The following HYCC1 variants were observed in gnomAD, a reference collection of about 807,000 sequenced individuals.
The protein encoded by HYCC1 is hyccin PI4KA lipid kinase complex subunit 1.
chr7:22,906,585 A>T, the HYCC1 span, among the ~76,000 whole-genome samples: 1 of 151,758 alleles, frequency 6.6e-6, no homozygotes, highest in Non-Finnish European at 1.5e-5. Flanking sequence ...CTCAAAAAAA[A>T]AAAAAGAATG....
At chr7:22,944,271 T>C in the HYCC1 span, 105,732 of 152,058 alleles carry the variant, frequency 0.7, 36,767 homozygotes, top group South Asian at 0.73. Flanking sequence ...CTTAAGTACA[T>C]TTGCTTTACA....
the HYCC1 span, among the ~76,000 whole-genome samples, chr7:22,975,812 G>C: frequency 6.6e-6 from 1 of 152,100 alleles, no homozygotes; most frequent in Non-Finnish European, 1.5e-5. Flanking sequence ...AACCTCCCGG[G>C]CTCAAGTGAT....
At chr7:22,910,765 A>G in the HYCC1 span, among the ~76,000 whole-genome samples, 55 of 152,296 alleles carry the variant, frequency 3.6e-4, no homozygotes, top group Admixed American at 3.2e-3. Flanking sequence ...ATATATCATT[A>G]CATTTTCCCG....
the HYCC1 span, among the ~76,000 whole-genome samples, chr7:22,987,249 G>A: frequency 6.6e-6 from 1 of 152,074 alleles, no homozygotes; most frequent in Admixed American, 6.6e-5. Context: ...CATTTAGTTG[G>A]TACATAAAGA....
chr7:22,910,503 C>T, the HYCC1 span, among the ~76,000 whole-genome samples: 2 of 152,158 alleles, frequency 1.3e-5, no homozygotes, highest in African/African-American at 4.8e-5. Flanking sequence ...CTCAGCAATG[C>T]AAAACAGACT....
the HYCC1 span, among the ~76,000 whole-genome samples, chr7:23,003,049 A>G: frequency 6.6e-6 from 1 of 152,034 alleles, no homozygotes; most frequent in African/African-American, 2.4e-5. Context: ...CCTCATTTTA[A>G]CTTAACTGCC....
At chr7:22,958,761 C>A in the HYCC1 span, among the ~76,000 whole-genome samples, 1 of 152,108 alleles carries the variant, frequency 6.6e-6, no homozygotes, top group African/African-American at 2.4e-5. Flanking sequence ...CACATATGCA[C>A]AAATACAAGG....
chr7:22,979,884 G>T, the HYCC1 span, among the ~76,000 whole-genome samples: 1 of 152,276 alleles, frequency 6.6e-6, no homozygotes, highest in Non-Finnish European at 1.5e-5. Context: ...AACAAGATTA[G>T]ATGAAATTAT....
chr7:22,904,591 C>CA, the HYCC1 span, among the ~76,000 whole-genome samples: 2 of 151,644 alleles, frequency 1.3e-5, no homozygotes, highest in Non-Finnish European at 2.9e-5. Flanking sequence ...TTATACAAGT[C>CA]ACCATCTGTG....
the HYCC1 span, among the ~76,000 whole-genome samples, chr7:22,975,159 A>G: frequency 3.3e-5 from 5 of 152,058 alleles, no homozygotes; most frequent in African/African-American, 1.2e-4. Context: ...GTTCTATAAT[A>G]TCTCTTATTT....
chr7:22,957,106 CAATGT>C, the HYCC1 span, among the ~76,000 whole-genome samples: 1 of 151,668 alleles, frequency 6.6e-6, no homozygotes. Context: ...AAAAACACTA[CAATGT>C]GAGATTGGGC....
chr7:22,911,967 T>TA, the HYCC1 span, among the ~76,000 whole-genome samples: 30 of 152,286 alleles, frequency 2.0e-4, no homozygotes, highest in East Asian at 5.0e-3. Flanking sequence ...GATTTTGCCA[T>TA]AAAAATATAT....
the HYCC1 span, among the ~76,000 whole-genome samples, chr7:22,896,448 T>C: frequency 1.1e-4 from 17 of 152,334 alleles, no homozygotes; most frequent in East Asian, 3.3e-3. Flanking sequence ...AGTTGCATGA[T>C]TCCTACATAT....
the HYCC1 span, among the ~76,000 whole-genome samples, chr7:23,006,580 T>C: frequency 4.6e-5 from 7 of 152,190 alleles, no homozygotes; most frequent in African/African-American, 1.7e-4. Flanking sequence ...TTAAGCACTT[T>C]TAAGGCTTAC....
the HYCC1 span, chr7:22,964,543 A>AAAAT: frequency 6.9e-7 from 1 of 1,439,020 alleles, no homozygotes. Context: ...TAGAAAAACC[A>AAAAT]AAATAAATGT....
chr7:22,963,743 C>T, the HYCC1 span, among the ~76,000 whole-genome samples: 1 of 152,104 alleles, frequency 6.6e-6, no homozygotes, highest in Non-Finnish European at 1.5e-5. Flanking sequence ...AAAAACTTGA[C>T]AAAAACAGGC....
At chr7:22,975,576 G>GC in the HYCC1 span, among the ~76,000 whole-genome samples, 86 of 152,216 alleles carry the variant, frequency 5.6e-4, no homozygotes, top group African/African-American at 1.9e-3. Flanking sequence ...ACAAAAAGAA[G>GC]CCAACCACAT....
At chr7:22,927,606 A>G in the HYCC1 span, among the ~76,000 whole-genome samples, 1 of 152,250 alleles carries the variant, frequency 6.6e-6, no homozygotes, top group African/African-American at 2.4e-5. Flanking sequence ...AAATTCCTCG[A>G]CACATACACT....
chr7:22,994,872 TCA>T, the HYCC1 span, among the ~76,000 whole-genome samples: 1 of 152,144 alleles, frequency 6.6e-6, no homozygotes, highest in African/African-American at 2.4e-5. Flanking sequence ...GACACTCATC[TCA>T]CACACTAGTC....
Sources: allele counts gnomAD v4.1 joint callset (sites outside exome capture counted in the v4.1 genomes callset), GRCh38; gene constraint gnomAD v4.1.1; transcripts MANE v1.5; gene names NCBI Gene and HGNC (gene_info 2026-07-23, HGNC 2026-07-21).